The following MGMT variants were observed in gnomAD, a reference collection of about 807,000 sequenced individuals.
MGMT encodes O-6-methylguanine-DNA methyltransferase, also known as methylated-DNA--protein-cysteine methyltransferase.
MGMT carries 14 observed loss-of-function variants against 15.9 expected under a neutral mutation model. The observed-to-expected ratio is 0.88, with a 90% CI of 0.58 to 1.37. The LOEUF (loss-of-function observed/expected upper bound fraction) is 1.37, where lower values mean the gene tolerates loss of function less well. MGMT is among the 40% of genes most tolerant of loss of function. MGMT has a pLI of 0.00. For synonymous variants in MGMT, 130 were observed against 118.2 expected (o/e 1.10, Z -0.65); for missense variants, 282 against 268.1 (o/e 1.05, Z -0.36).
intron 2 of MGMT, among the ~76,000 whole-genome samples, chr10:129,704,958 T>C (rs1211796420): frequency 6.6e-6 from 1 of 152,106 alleles, no homozygotes; most frequent in Non-Finnish European, 1.5e-5. Flanking sequence ...CAAAGCGAAG[T>C]AACCCTGGAC....
At position 129,595,260 on chromosome 10, in the gene MGMT, CT is replaced by C. The variant is rs535211911; in HGVS notation, c.125+58884del. 2.6e-4 allele frequency among the ~76,000 whole-genome samples: 40 copies of C among 152,364 alleles called. No homozygotes were observed. In the East Asian group the frequency reaches 7.5e-3, roughly 29 times the overall value. On this transcript the variant is annotated intron_variant, in intron 2 of 4. Coordinates refer to ENST00000651593, the MANE Select transcript of MGMT (RefSeq NM_002412.5). ...AGGAGACGGACACGCTTAGTTCCCC[CT>C]GCCATCAGTGGGCATCTCGATGTTA... is the stretch of plus-strand genomic sequence containing the variant.
chr10:129,527,385 T>C (rs1282950449), intron 1 of MGMT, among the ~76,000 whole-genome samples: 3 of 152,236 alleles, frequency 2.0e-5, no homozygotes, highest in African/African-American at 7.2e-5. Flanking sequence ...GATTTGAGGC[T>C]GGCGTGTTTG....
chr10:129,741,151 G>A (rs1848627623), intron 3 of MGMT, among the ~76,000 whole-genome samples: 2 of 152,154 alleles, frequency 1.3e-5, no homozygotes, highest in Admixed American at 1.3e-4. Context: ...CTTTTGAAAA[G>A]TGGTCTGAAA....
intron 2 of MGMT, among the ~76,000 whole-genome samples, chr10:129,687,808 A>G (rs1355134766): frequency 4.0e-5 from 6 of 151,028 alleles, no homozygotes; most frequent in African/African-American, 1.5e-4. Flanking sequence ...TTAACTCATC[A>G]CTTACATTAG....
chr10:129,687,569 C>T (rs933501974), intron 2 of MGMT, among the ~76,000 whole-genome samples: 7 of 152,150 alleles, frequency 4.6e-5, no homozygotes, highest in East Asian at 1.9e-4. Flanking sequence ...AGCTCCACCC[C>T]GTCCTCCTAG....
rs1836672534 is a variant in MGMT, at chr10:129,767,192, A to G, written c.*195A>G. The G allele has an allele frequency of 1.9e-6, 1 of 520,158 alleles. No individual in the cohort carries two copies. Among genetic ancestry groups the G allele is most frequent in the Non-Finnish European group, 3.4e-6 (1 of 297,690 alleles). 32.2% of individuals were successfully genotyped at this position (520,158 alleles called of 1,614,324 possible). ...CCTGCACACATTTGTTTCCTTCTCTAACGCTGCCCTTGCTCTATTTTTCAT... is the reference window on the plus strand; with the variant it reads ...CCTGCACACATTTGTTTCCTTCTCTGACGCTGCCCTTGCTCTATTTTTCAT... On this transcript the variant is annotated 3_prime_UTR_variant, in exon 5 of 5. Coordinates refer to ENST00000651593, the MANE Select transcript of MGMT (RefSeq NM_002412.5).
chr10:129,672,183 TA>T (rs771118291), intron 2 of MGMT, among the ~76,000 whole-genome samples: 5 of 152,238 alleles, frequency 3.3e-5, no homozygotes, highest in African/African-American at 4.8e-5. Flanking sequence ...TCATTTGTTA[TA>T]GGGGTCTAGG....
At chr10:129,677,465 G>T (rs1173998692) in intron 2 of MGMT, among the ~76,000 whole-genome samples, 1 of 152,178 alleles carries the variant, frequency 6.6e-6, no homozygotes, top group Non-Finnish European at 1.5e-5. Flanking sequence ...GGTTTTCGCA[G>T]CCATGCCTCA....
At position 129,570,698 on chromosome 10, in the gene MGMT, G is replaced by C. The variant is rs138098178; in HGVS notation, c.125+34321G>C. 4.5e-3 allele frequency among the ~76,000 whole-genome samples: 678 copies of C among 152,258 alleles called. 3 individuals are homozygous for C. The highest frequency in any genetic ancestry group is 0.016 in the African/African-American group (646 of 41,546). On this transcript the variant is annotated intron_variant, in intron 2 of 4. Coordinates refer to ENST00000651593, the MANE Select transcript of MGMT (RefSeq NM_002412.5). ...TTTTATGATTTGTTTAATTTTGACT[G>C]AAAAAAATTGACTATTCATCGATTC... is the stretch of plus-strand genomic sequence containing the variant.
chr10:129,637,845 TCAA>T (rs1009604277), intron 2 of MGMT, among the ~76,000 whole-genome samples: 1 of 151,966 alleles, frequency 6.6e-6, no homozygotes, highest in African/African-American at 2.4e-5. Context: ...TCAGAGAAAA[TCAA>T]CTCTGCCAAC....
At chr10:129,511,755 G>C (rs1405421983) in intron 1 of MGMT, among the ~76,000 whole-genome samples, 1 of 152,220 alleles carries the variant, frequency 6.6e-6, no homozygotes. Context: ...GATCCCATTA[G>C]AGCTGGGACT....
At chr10:129,500,156 T>A (rs530300874) in intron 1 of MGMT, among the ~76,000 whole-genome samples, 2 of 152,336 alleles carry the variant, frequency 1.3e-5, no homozygotes, top group South Asian at 4.1e-4. Flanking sequence ...AAAGATTGGA[T>A]TTTTAAAACT....
In MGMT at chr10:129,685,354, T is replaced by TC. The variant is rs199754029; in HGVS notation, c.126-22538dup. On this transcript the variant is annotated intron_variant, in intron 2 of 4. Transcript: ENST00000651593. ...GCCTGGCCTGGGCAGCTGTCCTGGCTCCCTCTGGCCAGTTCTCTGCCAGGC... is the reference window on the plus strand; with the variant it reads ...GCCTGGCCTGGGCAGCTGTCCTGGCTCCCCTCTGGCCAGTTCTCTGCCAGGC... 6.6e-5 allele frequency among the ~76,000 whole-genome samples: 10 copies of TC among 152,278 alleles called. No individual in the cohort carries two copies. In the East Asian group the frequency reaches 1.4e-3, roughly 21 times the overall value.
At chr10:129,638,447 A>G (rs1199148290) in intron 2 of MGMT, among the ~76,000 whole-genome samples, 1 of 115,900 alleles carries the variant, frequency 8.6e-6, no homozygotes, top group Non-Finnish European at 1.8e-5. Context: ...AAAAAAAAAG[A>G]AAAAAAAAAG....
chr10:129,668,634 A>G (rs1373851724), intron 2 of MGMT, among the ~76,000 whole-genome samples: 2 of 152,150 alleles, frequency 1.3e-5, no homozygotes, highest in Non-Finnish European at 2.9e-5. Context: ...CACTACTTTA[A>G]TTATTGTAGC....
chr10:129,573,632 GGTTGGA>G (rs1485441822), intron 2 of MGMT, among the ~76,000 whole-genome samples: 1 of 151,224 alleles, frequency 6.6e-6, no homozygotes, highest in African/African-American at 2.4e-5. Context: ...AAAGAGTCTT[GGTTGGA>G]ACCTATCTTT....
chr10:129,654,977 T>G (rs900286143), intron 2 of MGMT, among the ~76,000 whole-genome samples: 6 of 152,208 alleles, frequency 3.9e-5, no homozygotes, highest in African/African-American at 1.4e-4. Flanking sequence ...GCAAATTCCT[T>G]GCATCTAAGG....
intron 2 of MGMT, among the ~76,000 whole-genome samples, chr10:129,627,026 C>A (rs2133079809): frequency 6.6e-6 from 1 of 152,310 alleles, no homozygotes; most frequent in African/African-American, 2.4e-5. Flanking sequence ...CCCGCCGTGT[C>A]CCTCACGCTG....
intron 1 of MGMT, among the ~76,000 whole-genome samples, chr10:129,482,071 G>A (rs968693530): frequency 6.6e-6 from 1 of 152,114 alleles, no homozygotes; most frequent in Non-Finnish European, 1.5e-5. Flanking sequence ...ACTGCTTTAG[G>A]TGTGCTCACA....
Sources: gnomAD v4.1 joint callset for allele counts (sites outside exome capture counted in the v4.1 genomes callset) on GRCh38, gnomAD v4.1.1 for gene constraint, MANE v1.5 for transcripts, NCBI Gene and HGNC (gene_info 2026-07-23, HGNC 2026-07-21) for gene names.